The following CLUH variants were observed in gnomAD, a reference collection of about 807,000 sequenced individuals.
CLUH encodes the protein CLUH binding protein of NUMT mRNA, also known as clustered mitochondria protein homolog.
Under a neutral mutation model 139.3 loss-of-function variants are expected in CLUH, and 77 were observed. The observed-to-expected ratio is 0.55, with a 90% CI of 0.46 to 0.67. The LOEUF is 0.67. Ranked by LOEUF, CLUH falls within the 30% of genes least tolerant of loss-of-function variation. CLUH has a pLI of 0.00. For synonymous variants in CLUH, 999 were observed against 801.6 expected, an observed-to-expected ratio of 1.25 and a Z score of -4.16; for missense variants, 1,876 against 1,875.8, an observed-to-expected ratio of 1.00 and a Z score of 0.00.
rs929974683 is a variant in CLUH at position 2,706,705 on chromosome 17, C to T, written c.101-2141G>A. Among the ~76,000 whole-genome samples, 2 of 152,176 alleles carry T rather than the reference C, an allele frequency of 1.3e-5. No homozygotes were observed. Among genetic ancestry groups the T allele is most frequent in the East Asian group, 3.9e-4 (2 of 5,190 alleles). ...CGGTCAGCTTGCAAACAGCAAGAGG[C>T]AGGGCAGCCAGGTGGAGGAACTGCC... On this transcript the variant is annotated intron_variant, in intron 1 of 25. Coordinates refer to ENST00000651024, the MANE Select transcript of CLUH (RefSeq NM_001366661.1). This position sits in a 1 kb window ranked among gnomAD's most constrained non-coding sequence, Gnocchi z 4.6.
rs1341938219 is a variant in CLUH, at chr17:2,704,589, A to G, written c.101-25T>C. The G allele has an allele frequency of 5.2e-6, 8 of 1,529,088 alleles. No individual in the cohort carries two copies. Among genetic ancestry groups the G allele is most frequent in the Middle Eastern group, 2.0e-4 (1 of 4,926 alleles). 94.7% of individuals were successfully genotyped at this position (1,529,088 alleles called of 1,614,324 possible). Reference sequence around the variant, plus strand: ...TCTGCGGGTGACAAGAACGGGTCAGAATCAGGCAGCCTCGCTGGTCGGCGG... The same window carrying G: ...TCTGCGGGTGACAAGAACGGGTCAGGATCAGGCAGCCTCGCTGGTCGGCGG... On this transcript the variant is annotated intron_variant, in intron 1 of 25. Coordinates refer to ENST00000651024, the MANE Select transcript of CLUH (RefSeq NM_001366661.1). The surrounding 1 kb of genome is among the most constrained non-coding windows in gnomAD (Gnocchi z 5.7).
In CLUH at chr17:2,694,851, A is replaced by G. The variant is rs1361016854; in HGVS notation, c.2852+6T>C. On this transcript the variant is annotated splice_donor_region_variant and intron_variant, in intron 16 of 25. Coordinates refer to ENST00000651024, the MANE Select transcript of CLUH (RefSeq NM_001366661.1). The stretch of plus-strand genomic sequence containing the variant: ...ACCCACCCCACCGCCCCTGCCCCGC[A>G]CGCACCACTCGAGGTCGAAGTCAAA... The G allele has an allele frequency of 4.0e-6, 3 of 749,338 alleles. No individual in the cohort carries two copies. In the South Asian group the frequency reaches 5.0e-5, roughly 12 times the overall value. The allele number at this position is 749,338 out of a possible 1,614,324, so 46.4% of individuals were successfully genotyped here. A position where few individuals can be genotyped will look rare whatever the true frequency, so the allele number is the denominator to read the frequency against.
intron 1 of CLUH, among the ~76,000 whole-genome samples, chr17:2,708,667 C>A (rs755873466): frequency 1.2e-4 from 19 of 152,230 alleles, no homozygotes; most frequent in Non-Finnish European, 2.4e-4. Flanking sequence ...AAGCCCATGG[C>A]TTTTGAGTCA....
chr17:2,693,637 G>A (rs1300114761), intron 19 of CLUH, among the ~76,000 whole-genome samples: 1 of 152,086 alleles, frequency 6.6e-6, no homozygotes, highest in Non-Finnish European at 1.5e-5. Flanking sequence ...CACTCACGGA[G>A]TCTCAGGAGG....
chr17:2,695,758 C>CCCAA, intron 13 of CLUH: 1 of 614,678 alleles, frequency 1.6e-6, no homozygotes, highest in Non-Finnish European at 2.8e-6. Flanking sequence ...CAGAGGTGCC[C>CCCAA]GCTTGGGGGC....
intron 4 of CLUH, 76 bp downstream of exon 4, chr17:2,701,838 T>C: frequency 6.3e-7 from 1 of 1,594,000 alleles, no homozygotes; most frequent in Non-Finnish European, 8.5e-7. Flanking sequence ...CCCAGGCCCC[T>C]CGGCCCCTTC....
intron 1 of CLUH, among the ~76,000 whole-genome samples, chr17:2,709,596 G>C (rs977727512): frequency 6.6e-6 from 1 of 152,128 alleles, no homozygotes; most frequent in Non-Finnish European, 1.5e-5. Context: ...CTGTGGACCT[G>C]AAAAACCTGC....
rs1419710806 is a variant in CLUH at position 2,703,389 on chromosome 17, A to G, written c.404T>C (p.Val135Ala). Residue 135 changes from valine (V) to alanine (A), a missense_variant, in exon 3 of 26, where the codon GTG (valine) becomes GCG (alanine). This residue lies in a region of CLUH where 270 missense variants were observed against 354.7 expected (regional missense o/e 0.76). Transcript: ENST00000651024. The surrounding 1 kb of genome is among the most constrained non-coding windows in gnomAD (Gnocchi z 4.2). The part of the protein sequence containing the change: ...TCFSLHLDGN[V>A]LDHFSELRSV... ...GCGCAGCTCCGAGAAGTGGTCCAGCACGTTGCCATCCAGGTGCAGTGAGAA... is the reference window on the plus strand; with the variant it reads ...GCGCAGCTCCGAGAAGTGGTCCAGCGCGTTGCCATCCAGGTGCAGTGAGAA... 3 of 1,613,642 alleles carry G rather than the reference A, an allele frequency of 1.9e-6. No individual in the cohort carries two copies. Among genetic ancestry groups the G allele is most frequent in the Non-Finnish European group, 8.5e-7 (1 of 1,179,840 alleles).
Position 2,696,523 on chromosome 17 carries a change from C to A in CLUH, c.2201G>T (p.Arg734Leu). Residue 734 changes from arginine to leucine, a missense_variant, in exon 12 of 26, where the codon CGG becomes CTG. Physicochemically the swap from Arg to Leu is moderately radical, Grantham distance 102. Around this residue, in one of 3 missense-constraint regions of CLUH, gnomAD observed 1,454 missense variants for 1,384.4 expected, o/e 1.05. Coordinates refer to ENST00000651024, the MANE Select transcript of CLUH (RefSeq NM_001366661.1). The stretch of plus-strand genomic sequence containing the variant: ...CTTGCACGCGTTGCGGATCACCTCC[C>A]GGCTCCGAGGGTCTGCTGTGGAGAC... The part of the protein sequence containing the change: ...ADDGTADPRS[R>L]EVIRNACKAV... 1 of 1,575,300 alleles carries A rather than the reference C, an allele frequency of 6.3e-7. No homozygotes were observed. Among genetic ancestry groups the A allele is most frequent in the East Asian group, 2.3e-5 (1 of 42,656 alleles).
rs891540151 is a variant in CLUH at position 2,690,448 on chromosome 17, T to A, written c.*146A>T. The A allele has an allele frequency of 7.7e-6, 5 of 650,874 alleles. No homozygotes were observed. The African/African-American group carries it at 9.5e-5, about 12-fold the overall frequency. 40.3% of individuals were successfully genotyped at this position (650,874 alleles called of 1,614,324 possible). A position where few individuals can be genotyped will look rare whatever the true frequency, so the allele number is the denominator to read the frequency against. ...CTTCTGCGGGGCAGGCAGGCCAGGC[T>A]CCCAGGAGGACACGGGGGTGGGGTG... On this transcript the variant is annotated 3_prime_UTR_variant, in exon 26 of 26. Coordinates refer to ENST00000651024, the MANE Select transcript of CLUH (RefSeq NM_001366661.1).
intron 11 of CLUH, 34 bp from the exon 12 acceptor site, chr17:2,696,572 C>T: frequency 3.9e-6 from 6 of 1,540,932 alleles, no homozygotes; most frequent in Non-Finnish European, 5.2e-6. Context: ...ACACGGGTCC[C>T]CTCTGCCACC....
chr17:2,697,746 T>G (rs1597611160), intron 10 of CLUH, 150 bp downstream of exon 10: 1 of 756,668 alleles, frequency 1.3e-6, no homozygotes, highest in Non-Finnish European at 2.0e-6. Context: ...GCAGGGCAGG[T>G]GGGGACGGGT....
chr17:2,695,653 A>C, intron 13 of CLUH, 127 bp from the exon 14 acceptor site: 1 of 1,263,718 alleles, frequency 7.9e-7, no homozygotes, highest in Non-Finnish European at 1.1e-6. Flanking sequence ...GCTCCCAGTC[A>C]GGATGTCAGA....
chr17:2,696,312 G>A (rs751019288), intron 12 of CLUH, 53 bp from the exon 13 acceptor site: 24 of 1,517,194 alleles, frequency 1.6e-5, no homozygotes, highest in South Asian at 4.8e-5. Context: ...GACAAATGCC[G>A]CCTGGCGCTG....
At chr17:2,708,276 CA>C (rs1467538636) in intron 1 of CLUH, among the ~76,000 whole-genome samples, 1 of 152,200 alleles carries the variant, frequency 6.6e-6, no homozygotes, top group Admixed American at 6.5e-5. Flanking sequence ...GGGTCTCACA[CA>C]ATGACCAGAG....
In CLUH at chr17:2,698,345, C is replaced by A. The variant is rs367935854; in HGVS notation, c.1512G>T (p.Gly504=). ...VRTYNAVDVE[G]LYTLGTVVVD... is the part of the protein sequence containing the mutation. ...CCACCACCGTGCCCAGCGTGTACAG[C>A]CCCTCCACGTCCACCGCGTTGTACG... Residue 504 remains glycine (G), a synonymous_variant, in exon 10 of 26, where the codon GGG becomes GGT. Transcript: ENST00000651024. 34 of 1,613,034 alleles carry A rather than the reference C, an allele frequency of 2.1e-5. No homozygotes were observed. Among genetic ancestry groups the A allele is most frequent in the Non-Finnish European group, 2.9e-5 (34 of 1,179,754 alleles).
rs1287097912 is a variant in CLUH at position 2,692,613 on chromosome 17, C to G, written c.3396G>C (p.Leu1132=). The G allele has an allele frequency of 6.2e-7, 1 of 1,612,914 alleles. No homozygotes were observed. The highest frequency in any genetic ancestry group is 1.7e-5 in the Admixed American group (1 of 59,982). Residue 1132 remains leucine, a synonymous_variant, in exon 21 of 26, where the codon CTG becomes CTC. Coordinates refer to ENST00000651024, the MANE Select transcript of CLUH (RefSeq NM_001366661.1). ...CGGGGTGGTCTTCCCCGAACACCAG[C>G]AGCATGAGGTAGCGGGCGCGGTACA... is the stretch of plus-strand genomic sequence containing the variant. ...SLLYRARYLM[L]LVFGEDHPEM...
chr17:2,692,053 C>G lies in CLUH; in HGVS notation c.3605G>C (p.Arg1202Pro). The G allele has an allele frequency of 6.2e-7, 1 of 1,604,996 alleles. No individual in the cohort carries two copies. Among genetic ancestry groups the G allele is most frequent in the Non-Finnish European group, 8.5e-7 (1 of 1,176,662 alleles). Residue 1202 changes from arginine to proline, a missense_variant, in exon 23 of 26, where the codon CGG becomes CCG. By Grantham distance (103) the Arg-to-Pro change is moderately radical. This residue lies in a region of CLUH where 1,454 missense variants were observed against 1,384.4 expected (regional missense o/e 1.05). Transcript: ENST00000651024. ...CTCCTTCTCGTGCTGCAGGGCCGACCGGAACTCAGCTTTGCTCTCGTAGAC... is the reference window on the plus strand; with the variant it reads ...CTCCTTCTCGTGCTGCAGGGCCGACGGGAACTCAGCTTTGCTCTCGTAGAC... ...ARVYESKAEFRSALQHEKEGY... is the reference protein window; with the variant it reads ...ARVYESKAEFPSALQHEKEGY...
intron 3 of CLUH, among the ~76,000 whole-genome samples, chr17:2,702,494 A>T (rs1402515757): frequency 1.3e-5 from 2 of 152,056 alleles, no homozygotes; most frequent in Non-Finnish European, 2.9e-5. Context: ...CACTGCCCCT[A>T]TGTGGTTTCA....
Sources: gnomAD v4.1 joint callset for allele counts (sites outside exome capture counted in the v4.1 genomes callset) on GRCh38, gnomAD v4.1.1 for gene constraint, gnomAD v4.1.1 regional missense constraint, Gnocchi (gnomAD v3.1) non-coding constraint, MANE v1.5 for transcripts, NCBI Gene and HGNC (gene_info 2026-07-23, HGNC 2026-07-21) for gene names.